Variants in EHBP1 observed in about 807,000 individuals in gnomAD.
EHBP1 encodes EH domain-binding protein 1.
EHBP1 carries 55 observed loss-of-function variants against 144.0 expected under a neutral mutation model. That is an observed-to-expected ratio of 0.38 (90% confidence interval 0.31 to 0.48). The LOEUF (loss-of-function observed/expected upper bound fraction) is 0.48, where lower values mean the gene tolerates loss of function less well. Among genes scored for constraint, EHBP1 ranks in the 20% least tolerant of loss-of-function variants. The pLI is 0.98. For synonymous variants in EHBP1, 469 were observed against 472.7 expected (o/e 0.99, Z 0.10); for missense variants, 1,200 against 1,364.2 (o/e 0.88, Z 1.90).
intron 10 of EHBP1, among the ~76,000 whole-genome samples, chr2:62,933,719 A>G (rs911148549): frequency 2.0e-5 from 3 of 152,196 alleles, no homozygotes; most frequent in African/African-American, 7.2e-5. Flanking sequence ...AAATGTTGGC[A>G]AAGTTCCAAT....
chr2:63,016,436 T>C (rs1322097970), intron 19 of EHBP1, among the ~76,000 whole-genome samples: 1 of 146,808 alleles, frequency 6.8e-6, no homozygotes, highest in Non-Finnish European at 1.5e-5. Flanking sequence ...TTTTCTGTTT[T>C]GGGGGGTTGG....
chr2:63,030,616 T>A (rs529175534), intron 19 of EHBP1, among the ~76,000 whole-genome samples: 138 of 151,812 alleles, frequency 9.1e-4, no homozygotes, highest in Non-Finnish European at 1.8e-3. Context: ...GCCTCCCAAG[T>A]AGCTGGGACT....
At chr2:62,688,295 AT>A (rs2151741829) in intron 1 of EHBP1, among the ~76,000 whole-genome samples, 1 of 152,296 alleles carries the variant, frequency 6.6e-6, no homozygotes, top group Admixed American at 6.5e-5. Flanking sequence ...AAGGGAGGGA[AT>A]CAGTATTTAC....
At chr2:62,978,175 A>G (rs1231300426) in intron 14 of EHBP1, among the ~76,000 whole-genome samples, 1 of 148,312 alleles carries the variant, frequency 6.7e-6, no homozygotes, top group Admixed American at 6.7e-5. Flanking sequence ...CACATTGATT[A>G]TTTGCGATTC....
chr2:62,761,523 G>C lies in EHBP1; in HGVS notation c.163-2743G>C, dbSNP rs529320928. On this transcript the variant is annotated intron_variant, in intron 3 of 22. Transcript: ENST00000431489. ...TTTACCTAATCTTGATCCCTTCTCG[G>C]TTCCTTGGCCCAGGTTCAAATCAAA... is the stretch of plus-strand genomic sequence containing the variant. 1.2e-4 allele frequency among the ~76,000 whole-genome samples: 19 copies of C among 152,290 alleles called. No homozygotes were observed. The East Asian group carries it at 3.3e-3, about 26-fold the overall frequency.
chr2:62,846,897 A>G (rs1180331467), intron 7 of EHBP1, among the ~76,000 whole-genome samples: 2 of 152,176 alleles, frequency 1.3e-5, no homozygotes, highest in African/African-American at 4.8e-5. Context: ...TTAAGATATC[A>G]TTTTTCCTCA....
chr2:62,989,561 A>G (rs1268507678), intron 15 of EHBP1, among the ~76,000 whole-genome samples: 3 of 152,152 alleles, frequency 2.0e-5, no homozygotes, highest in Admixed American at 2.0e-4. Flanking sequence ...CTCTCCTCCT[A>G]CTTAATGTTT....
chr2:63,041,671 T>A (rs576610872), intron 21 of EHBP1, among the ~76,000 whole-genome samples: 1 of 152,206 alleles, frequency 6.6e-6, no homozygotes, highest in Non-Finnish European at 1.5e-5. Context: ...CTTCCATAGA[T>A]TGATTAGGTA....
intron 21 of EHBP1, chr2:63,043,833 A>G (rs945904764): frequency 7.0e-6 from 1 of 142,992 alleles, no homozygotes; most frequent in Non-Finnish European, 1.5e-5. Context: ...GAGAGAAGAG[A>G]GAAACCCAAA....
intron 5 of EHBP1, among the ~76,000 whole-genome samples, chr2:62,800,962 G>C (rs771733090): frequency 1.3e-5 from 2 of 152,158 alleles, no homozygotes; most frequent in Admixed American, 6.5e-5. Context: ...CCAAACCAAT[G>C]ACTAGTTAGT....
rs564728987 is a variant in EHBP1 at position 62,803,055 on chromosome 2, G to T, written c.313-23032G>T. The stretch of plus-strand genomic sequence containing the variant: ...GATCATACTTAACATGTTGTTTTGT[G>T]ACTTGCTTTTCTTCCTTCACAGTGT... On this transcript the variant is annotated intron_variant, in intron 5 of 22. Transcript: ENST00000431489. Among the ~76,000 whole-genome samples the T allele has an allele frequency of 2.3e-4, 35 of 152,254 alleles. 1 individual carries two copies. The South Asian group carries it at 7.0e-3, about 31-fold the overall frequency.
intron 19 of EHBP1, among the ~76,000 whole-genome samples, chr2:63,019,694 G>T (rs571131216): frequency 6.9e-6 from 1 of 145,422 alleles, no homozygotes; most frequent in African/African-American, 2.5e-5. Flanking sequence ...GCAACAGAGC[G>T]AGACTCCATC....
chr2:62,923,459 A>G (rs2055246554), intron 10 of EHBP1, among the ~76,000 whole-genome samples: 1 of 152,162 alleles, frequency 6.6e-6, no homozygotes, highest in Non-Finnish European at 1.5e-5. Flanking sequence ...CCCACCCTCT[A>G]CAGAAAAGTC....
chr2:62,676,747 T>A (rs1275592013), intron 1 of EHBP1, among the ~76,000 whole-genome samples: 3 of 152,192 alleles, frequency 2.0e-5, no homozygotes, highest in Non-Finnish European at 2.9e-5. Flanking sequence ...TCAGTGGAAT[T>A]TAAATTCCCA....
Position 63,034,561 on chromosome 2 carries a change from G to A in EHBP1, c.3104-2974G>A, listed in dbSNP as rs138579979. 4.0e-4 allele frequency among the ~76,000 whole-genome samples: 61 copies of A among 152,016 alleles called. 1 individual carries two copies. Among genetic ancestry groups the A allele is most frequent in the Non-Finnish European group, 6.5e-4 (44 of 67,872 alleles). ...TGTAAAGTGCTTTATTCTGAGATTA[G>A]GTATTGTGGCAGAAGCTAAAACTGC... On this transcript the variant is annotated intron_variant, in intron 19 of 22. Coordinates refer to ENST00000431489, the MANE Select transcript of EHBP1 (RefSeq NM_001142616.3).
intron 2 of EHBP1, among the ~76,000 whole-genome samples, chr2:62,744,305 G>C (rs1452759133): frequency 2.0e-5 from 3 of 152,056 alleles, no homozygotes. Flanking sequence ...TTTTTTTATA[G>C]GAAGTTGTAT....
chr2:62,727,118 C>T (rs959279619), intron 2 of EHBP1, among the ~76,000 whole-genome samples: 1 of 152,202 alleles, frequency 6.6e-6, no homozygotes, highest in Admixed American at 6.5e-5. Flanking sequence ...GCCTTGGCCT[C>T]CCAAAGTGCT....
intron 1 of EHBP1, among the ~76,000 whole-genome samples, chr2:62,674,591 A>G (rs145895135): frequency 2.4e-4 from 36 of 152,318 alleles, no homozygotes; most frequent in African/African-American, 8.2e-4. Context: ...AGTTGACACA[A>G]TTTATGACCT....
chr2:62,719,918 G>C (rs2036057692), intron 2 of EHBP1, among the ~76,000 whole-genome samples: 1 of 152,184 alleles, frequency 6.6e-6, no homozygotes, highest in Non-Finnish European at 1.5e-5. Context: ...GCTTGAGGTA[G>C]TTCAGTTTCA....
Sources: gnomAD v4.1 joint callset for allele counts (sites outside exome capture counted in the v4.1 genomes callset) on GRCh38, gnomAD v4.1.1 for gene constraint, MANE v1.5 for transcripts, NCBI Gene and HGNC (gene_info 2026-07-23, HGNC 2026-07-21) for gene names.